The following ADAMTS17 variants were observed in gnomAD, a reference collection of about 807,000 sequenced individuals.
ADAMTS17 encodes ADAM metallopeptidase with thrombospondin type 1 motif 17.
In ADAMTS17, 113 loss-of-function variants were observed where a neutral mutation model predicts 141.5. The ratio of observed to expected loss-of-function variants is 0.80; its 90% CI spans 0.69 to 0.93. The LOEUF is 0.93. Ranked by LOEUF, ADAMTS17 falls within the 40% of genes least tolerant of loss-of-function variation. The pLI is 0.00. For missense variants in ADAMTS17, 1,659 were observed against 1,517.9 expected (o/e 1.09, Z -1.54); for synonymous variants, 768 against 630.6 (o/e 1.22, Z -3.27).
chr15:100,331,184 G>C, intron 2 of ADAMTS17, 130 bp from the exon 3 acceptor site: 2 of 1,145,130 alleles, frequency 1.7e-6, no homozygotes, highest in Non-Finnish European at 2.5e-6. Flanking sequence ...TTTCTTTGCA[G>C]ATTGGTCAGA....
intron 7 of ADAMTS17, among the ~76,000 whole-genome samples, chr15:100,250,169 G>A (rs2043109580): frequency 6.6e-6 from 1 of 152,182 alleles, no homozygotes; most frequent in Admixed American, 6.5e-5. Context: ...ATGAGTATAA[G>A]CATAAATTAA....
intron 4 of ADAMTS17, among the ~76,000 whole-genome samples, chr15:100,271,891 T>C (rs1268178431): frequency 2.0e-5 from 3 of 152,192 alleles, no homozygotes; most frequent in East Asian, 3.8e-4. Flanking sequence ...TTGAGTTAAT[T>C]TTTGTATGTT....
intron 7 of ADAMTS17, among the ~76,000 whole-genome samples, chr15:100,208,530 A>G (rs1291081118): frequency 6.6e-6 from 1 of 152,192 alleles, no homozygotes. Context: ...AAGTCAGGTC[A>G]GTGTTACCCC....
At chr15:100,233,988 G>A (rs1567401888) in intron 7 of ADAMTS17, among the ~76,000 whole-genome samples, 2 of 152,134 alleles carry the variant, frequency 1.3e-5, no homozygotes, top group Admixed American at 1.3e-4. Context: ...TCTGAGCAGG[G>A]AACCCACAGG....
intron 3 of ADAMTS17, among the ~76,000 whole-genome samples, chr15:100,288,406 A>T (rs1035119268): frequency 4.6e-5 from 7 of 152,226 alleles, no homozygotes; most frequent in Non-Finnish European, 1.0e-4. Flanking sequence ...CAGATAATAC[A>T]TAGTAACAGC....
At chr15:100,271,617 T>G (rs973073338) in intron 4 of ADAMTS17, among the ~76,000 whole-genome samples, 1 of 152,130 alleles carries the variant, frequency 6.6e-6, no homozygotes, top group African/African-American at 2.4e-5. Flanking sequence ...TTTTAGAAGC[T>G]TTCTATATAT....
At chr15:100,151,941 G>A (rs912081282) in intron 10 of ADAMTS17, among the ~76,000 whole-genome samples, 2 of 152,142 alleles carry the variant, frequency 1.3e-5, no homozygotes, top group African/African-American at 4.8e-5. Context: ...TCAAATCCTC[G>A]CTCTACTACC....
At chr15:100,336,271 T>C (rs1483541375) in intron 2 of ADAMTS17, among the ~76,000 whole-genome samples, 1 of 152,012 alleles carries the variant, frequency 6.6e-6, no homozygotes, top group Non-Finnish European at 1.5e-5. Flanking sequence ...AAGCCCTGAG[T>C]AATCAGGAGG....
At chr15:100,309,412 C>T (rs532829674) in intron 3 of ADAMTS17, among the ~76,000 whole-genome samples, 14 of 152,318 alleles carry the variant, frequency 9.2e-5, no homozygotes, top group South Asian at 4.1e-4. Context: ...TGGTGGTCGG[C>T]GCTGGGATGG....
rs78864198 is a variant in ADAMTS17, at chr15:100,257,905, A to C, written c.1031+3574T>G. Among the ~76,000 whole-genome samples, 155 of 152,236 alleles carry C rather than the reference A, an allele frequency of 1.0e-3. 4 individuals carry two copies. In the East Asian group the frequency reaches 0.029, roughly 29 times the overall value. ...CGAAACTCTGTACCCATGAAATAAC[A>C]ACTCCCCATTCTCCCTTCTCCCCAG... is the stretch of plus-strand genomic sequence containing the variant. On this transcript the variant is annotated intron_variant, in intron 6 of 21. Transcript: ENST00000268070.
At chr15:100,202,149 T>C (rs2041358494) in intron 7 of ADAMTS17, among the ~76,000 whole-genome samples, 1 of 152,170 alleles carries the variant, frequency 6.6e-6, no homozygotes, top group Non-Finnish European at 1.5e-5. Context: ...AGACCTCAAA[T>C]GCCACACAAA....
At chr15:100,121,750 G>C (rs1007268719) in intron 12 of ADAMTS17, among the ~76,000 whole-genome samples, 4 of 151,876 alleles carry the variant, frequency 2.6e-5, no homozygotes, top group African/African-American at 9.7e-5. Context: ...AATGCAGGAG[G>C]AACAGGCTTT....
chr15:100,051,422 T>G (rs1242694140), intron 17 of ADAMTS17, 150 bp downstream of exon 17: 14 of 1,185,426 alleles, frequency 1.2e-5, no homozygotes, highest in Non-Finnish European at 1.7e-5. Flanking sequence ...GTCCAAGTAT[T>G]CTGCAGAGAG....
At chr15:100,307,825 C>T (rs1275626275) in intron 3 of ADAMTS17, among the ~76,000 whole-genome samples, 1 of 152,246 alleles carries the variant, frequency 6.6e-6, no homozygotes, top group Non-Finnish European at 1.5e-5. Flanking sequence ...ACCTGCCACC[C>T]ACCACACAGC....
intron 15 of ADAMTS17, among the ~76,000 whole-genome samples, chr15:100,095,561 T>C (rs536401419): frequency 1.3e-5 from 2 of 152,336 alleles, no homozygotes; most frequent in South Asian, 4.1e-4. Context: ...TCTCAGCTTC[T>C]TCCTCCCAAC....
intron 8 of ADAMTS17, among the ~76,000 whole-genome samples, chr15:100,183,115 A>G (rs893300451): frequency 2.0e-5 from 3 of 152,054 alleles, no homozygotes; most frequent in African/African-American, 7.3e-5. Flanking sequence ...CAGCCTCCTG[A>G]GTAGCTGGGA....
chr15:100,124,480 GT>G, intron 12 of ADAMTS17, among the ~76,000 whole-genome samples: 1 of 152,284 alleles, frequency 6.6e-6, no homozygotes, highest in East Asian at 1.9e-4. Context: ...GACAACACCG[GT>G]GTCAGTGAGG....
At chr15:100,134,852 G>T (rs2038243592) in intron 10 of ADAMTS17, among the ~76,000 whole-genome samples, 1 of 152,176 alleles carries the variant, frequency 6.6e-6, no homozygotes, top group East Asian at 1.9e-4. Context: ...AGAAAAGCCT[G>T]CATGTTCCCA....
intron 8 of ADAMTS17, among the ~76,000 whole-genome samples, chr15:100,183,137 C>G (rs181169282): frequency 1.3e-5 from 2 of 152,206 alleles, no homozygotes; most frequent in Non-Finnish European, 2.9e-5. Flanking sequence ...TACAGGCATG[C>G]ACCACAAAAC....
Sources: allele counts gnomAD v4.1 joint callset (sites outside exome capture counted in the v4.1 genomes callset), GRCh38; gene constraint gnomAD v4.1.1; transcripts MANE v1.5; gene names NCBI Gene and HGNC (gene_info 2026-07-23, HGNC 2026-07-21).